SPATA2: variants seen among roughly 807,000 people sequenced by gnomAD.
SPATA2 encodes spermatogenesis associated 2.
SPATA2 carries 8 observed loss-of-function variants against 35.4 expected under a neutral mutation model. The ratio of observed to expected loss-of-function variants is 0.23; its 90% CI spans 0.13 to 0.41. SPATA2 has a LOEUF of 0.41. SPATA2 is among the 10% of genes least tolerant of loss of function. The pLI, the probability that SPATA2 is intolerant of heterozygous loss-of-function variation, is 1.00. For missense variants in SPATA2, 650 were observed against 698.7 expected, an observed-to-expected ratio of 0.93 and a Z score of 0.79; for synonymous variants, 293 against 300.9, an observed-to-expected ratio of 0.97 and a Z score of 0.27.
chr20:49,905,529 C>A lies in SPATA2; in HGVS notation c.*90G>T. ...CTACATGGTCAAGTGCAGGCCTCCG[C>A]CTCTGAGATCAATGCGTTAGTACTT... is the stretch of plus-strand genomic sequence containing the variant. On this transcript the variant is annotated 3_prime_UTR_variant, in exon 3 of 3. Transcript: ENST00000289431. The A allele has an allele frequency of 6.9e-7, 1 of 1,458,526 alleles. No homozygotes were observed. Among genetic ancestry groups the A allele is most frequent in the Non-Finnish European group, 9.4e-7 (1 of 1,066,418 alleles). 90.3% of individuals were successfully genotyped at this position (1,458,526 alleles called of 1,614,324 possible).
In SPATA2 at chr20:49,906,265, TG is replaced by T; in HGVS notation, c.916del (p.His306ThrfsTer202). 1 of 1,570,388 alleles carries T rather than the reference TG, an allele frequency of 6.4e-7. No individual in the cohort carries two copies. Among genetic ancestry groups the T allele is most frequent in the Non-Finnish European group, 8.6e-7 (1 of 1,156,554 alleles). ...GGGTGGAAGCACATCCGGGCTGCCG[TG>T]GGGGGAGCTGGCCATGGTCAGCAGC... is the stretch of plus-strand genomic sequence containing the variant. Reference protein sequence around the residue: ...PSLLTMASSPHGSPDVLPPAS... With the variant: ...PSLLTMASSPXGSPDVLPPAS... On this transcript the variant is annotated frameshift_variant, in exon 3 of 3. Transcript: ENST00000289431. LOFTEE classifies it high-confidence loss of function. The surrounding 1 kb of genome is among the most constrained non-coding windows in gnomAD (Gnocchi z 8.2).
In SPATA2 at chr20:49,906,977, G is replaced by A. The variant is rs113059128; in HGVS notation, c.337-132C>T. On this transcript the variant is annotated intron_variant, in intron 2 of 2. Transcript: ENST00000289431. The surrounding 1 kb of genome is among the most constrained non-coding windows in gnomAD (Gnocchi z 8.2). ...AGAGGGCAGGGCAGGGAAGGATCTC[G>A]ACAGCCTCACCCTGCGGGAGGCAGA... The A allele has an allele frequency of 2.5e-3, 2,438 of 981,936 alleles. 19 individuals are homozygous for A. The highest frequency in any genetic ancestry group is 0.022 in the African/African-American group (1,313 of 60,704). The allele number at this position is 981,936 out of a possible 1,614,324, so 60.8% of individuals were successfully genotyped here.
Position 49,915,495 on chromosome 20 carries a change from G to A in SPATA2, c.-218C>T, listed in dbSNP as rs1324187639. On this transcript the variant is annotated 5_prime_UTR_variant, in exon 1 of 3. Transcript: ENST00000289431. Reference sequence around the variant, plus strand: ...CTCCGGCCGGCTGCAGGGGTACTGAGACCAGTACCCGGGGGCCAGCAGCGA... The same window carrying A: ...CTCCGGCCGGCTGCAGGGGTACTGAAACCAGTACCCGGGGGCCAGCAGCGA... The A allele has an allele frequency of 3.9e-5, 6 of 152,282 alleles. No individual in the cohort carries two copies. The highest frequency in any genetic ancestry group is 1.3e-4 in the Admixed American group (2 of 15,290). The allele number at this position is 152,282 out of a possible 1,614,324, so 9.4% of individuals were successfully genotyped here.
intron 1 of SPATA2, among the ~76,000 whole-genome samples, chr20:49,909,826 CAA>C (rs2090172827): frequency 6.6e-6 from 1 of 152,202 alleles, no homozygotes; most frequent in Admixed American, 6.5e-5. Context: ...ATATTTTATA[CAA>C]AGAGCCACGT....
In SPATA2 at chr20:49,904,916, G is replaced by A. The variant is rs551546251; in HGVS notation, c.*703C>T. 6.5e-6 allele frequency: 1 copy of A among 152,864 alleles called. No individual in the cohort carries two copies. The highest frequency in any genetic ancestry group is 1.5e-5 in the Non-Finnish European group (1 of 68,112). 9.5% of individuals were successfully genotyped at this position (152,864 alleles called of 1,614,324 possible). ...GGCATGTGCAAACAACAGAAAGGGG[G>A]AAGTCAGTCCTGCTGTGGGAAGCCC... On this transcript the variant is annotated 3_prime_UTR_variant, in exon 3 of 3. Transcript: ENST00000289431.
Position 49,906,060 on chromosome 20 carries a change from A to AG in SPATA2, c.1121dup (p.Ala375CysfsTer25). 1 of 1,606,666 alleles carries AG rather than the reference A, an allele frequency of 6.2e-7. No individual in the cohort carries two copies. Among genetic ancestry groups the AG allele is most frequent in the South Asian group, 1.1e-5 (1 of 91,026 alleles). On this transcript the variant is annotated frameshift_variant, in exon 3 of 3. Coordinates refer to ENST00000289431, the MANE Select transcript of SPATA2 (RefSeq NM_006038.4). LOFTEE classifies it high-confidence loss of function. The surrounding 1 kb of genome is among the most constrained non-coding windows in gnomAD (Gnocchi z 8.2). ...ACTTGGAGAGGGCGGACTCTTTGGC[A>AG]GGGGGCGAGCGCTTGTGGTAGAGGG...
Position 49,905,519 on chromosome 20 carries a change from C to T in SPATA2, c.*100G>A. ...TCTCTGCCACCTACATGGTCAAGTGCAGGCCTCCGCCTCTGAGATCAATGC... is the reference window on the plus strand; with the variant it reads ...TCTCTGCCACCTACATGGTCAAGTGTAGGCCTCCGCCTCTGAGATCAATGC... On this transcript the variant is annotated 3_prime_UTR_variant, in exon 3 of 3. Transcript: ENST00000289431. The T allele has an allele frequency of 2.2e-6, 3 of 1,375,932 alleles. No individual in the cohort carries two copies. Among genetic ancestry groups the T allele is most frequent in the Non-Finnish European group, 3.0e-6 (3 of 999,164 alleles). The allele number at this position is 1,375,932 out of a possible 1,614,324, so 85.2% of individuals were successfully genotyped here.
rs1568904600 is a variant in SPATA2, at chr20:49,903,953, T to TATATATATA, written c.*1665_*1666insTATATATAT. The TATATATATA allele has an allele frequency of 3.1e-5, 3 of 97,162 alleles. No homozygotes were observed. Among genetic ancestry groups the TATATATATA allele is most frequent in the South Asian group, 3.0e-4 (1 of 3,332 alleles). 6.0% of individuals were successfully genotyped at this position (97,162 alleles called of 1,614,324 possible). ...TATATATATATATATATATATATAT[T>TATATATATA]AAAAAGAGAGCCATAGAAGATTTGG... On this transcript the variant is annotated 3_prime_UTR_variant, in exon 3 of 3. Transcript: ENST00000289431.
At position 49,906,872 on chromosome 20, in the gene SPATA2, G is replaced by C; in HGVS notation, c.337-27C>G. ...TAGAAGGGAGGGAGTAGAAAAGAAA[G>C]GTGGGGTTTTCTGTCAGAGACACAA... On this transcript the variant is annotated intron_variant, in intron 2 of 2. Coordinates refer to ENST00000289431, the MANE Select transcript of SPATA2 (RefSeq NM_006038.4). This position sits in a 1 kb window ranked among gnomAD's most constrained non-coding sequence, Gnocchi z 8.2. 1 of 1,579,684 alleles carries C rather than the reference G, an allele frequency of 6.3e-7. No homozygotes were observed. Among genetic ancestry groups the C allele is most frequent in the Non-Finnish European group, 8.6e-7 (1 of 1,161,860 alleles).
At position 49,905,760 on chromosome 20, in the gene SPATA2, C is replaced by T; in HGVS notation, c.1422G>A (p.Gln474=). ...NRPGATNTCT[Q]CSKVSCDACL... The stretch of plus-strand genomic sequence containing the variant: ...AGGCGTCACATGAGACTTTTGAACA[C>T]TGGGTGCAGGTGTTGGTGGCGCCTG... Residue 474 remains glutamine (Q), a synonymous_variant, in exon 3 of 3, where the codon CAG becomes CAA. Transcript: ENST00000289431. 1 of 1,614,248 alleles carries T rather than the reference C, an allele frequency of 6.2e-7. No individual in the cohort carries two copies. The highest frequency in any genetic ancestry group is 1.1e-5 in the South Asian group (1 of 91,088).
chr20:49,909,517 G>A, intron 1 of SPATA2, among the ~76,000 whole-genome samples: 1 of 149,178 alleles, frequency 6.7e-6, no homozygotes, highest in East Asian at 2.1e-4. Context: ...ACCAGCCTGG[G>A]AAACACGGTG....
intron 1 of SPATA2, among the ~76,000 whole-genome samples, chr20:49,910,177 C>G (rs992143905): frequency 6.6e-6 from 1 of 152,224 alleles, no homozygotes. Flanking sequence ...CGCAGGGTCA[C>G]GGACACGGGG....
At position 49,914,051 on chromosome 20, in the gene SPATA2, C is replaced by A. The variant is rs1225821978; in HGVS notation, c.-103+1329G>T. On this transcript the variant is annotated intron_variant, in intron 1 of 2. Transcript: ENST00000289431. ...GGTGGAAAAAAAAAAAAAAAAAAAC[C>A]CAAAAAACAAAAAAACAGCACTGTG... 4.9e-5 allele frequency among the ~76,000 whole-genome samples: 7 copies of A among 141,460 alleles called. No individual in the cohort carries two copies. In the South Asian group the frequency reaches 1.4e-3, roughly 27 times the overall value. The allele number at this position is 141,460 out of a possible 152,430, so 92.8% of individuals were successfully genotyped here. A position where few individuals can be genotyped will look rare whatever the true frequency, so the allele number is the denominator to read the frequency against.
chr20:49,905,749 AC>A lies in SPATA2; in HGVS notation c.1432del (p.Val478SerfsTer30). The A allele has an allele frequency of 6.2e-7, 1 of 1,614,178 alleles. No homozygotes were observed. Among genetic ancestry groups the A allele is most frequent in the Non-Finnish European group, 8.5e-7 (1 of 1,180,032 alleles). ...ATNTCTQCSK[V>X]SCDACLSAYH... ...AGCGCTGAGGCAGGCGTCACATGAG[AC>A]TTTTGAACACTGGGTGCAGGTGTTG... On this transcript the variant is annotated frameshift_variant, in exon 3 of 3. Coordinates refer to ENST00000289431, the MANE Select transcript of SPATA2 (RefSeq NM_006038.4). LOFTEE classifies it high-confidence loss of function.
In SPATA2 at chr20:49,908,202, T is replaced by C. The variant is rs773902758; in HGVS notation, c.289A>G (p.Ile97Val). 1 of 1,613,352 alleles carries C rather than the reference T, an allele frequency of 6.2e-7. No homozygotes were observed. Among genetic ancestry groups the C allele is most frequent in the African/African-American group, 1.3e-5 (1 of 74,922 alleles). Residue 97 changes from isoleucine to valine, a missense_variant, in exon 2 of 3, where the codon ATC (isoleucine) becomes GTC (valine). Physicochemically the swap from Ile to Val is conservative, Grantham distance 29. Transcript: ENST00000289431. ...TTCCACGGGTAGAGGAAGAGGTTGA[T>C]GCCCACCGTCTCCAGCATGCTGAAG... is the stretch of plus-strand genomic sequence containing the variant. ...GAFSMLETVG[I>V]NLFLYPWKKE... is the part of the protein sequence containing the mutation.
At position 49,905,667 on chromosome 20, in the gene SPATA2, G is replaced by C; in HGVS notation, c.1515C>G (p.Asn505Lys). Residue 505 changes from asparagine (N) to lysine (K), a missense_variant, in exon 3 of 3, where the codon AAC (asparagine) becomes AAG (lysine). Coordinates refer to ENST00000289431, the MANE Select transcript of SPATA2 (RefSeq NM_006038.4). ...KSELHKFMPNNQLNYKSTQLS... is the reference protein window; with the variant it reads ...KSELHKFMPNKQLNYKSTQLS... ...GCTGGGTGGACTTGTAGTTCAGCTG[G>C]TTGTTGGGCATGAACTTGTGCAGCT... The C allele has an allele frequency of 2.5e-6, 4 of 1,614,252 alleles. No individual in the cohort carries two copies. The highest frequency in any genetic ancestry group is 3.4e-6 in the Non-Finnish European group (4 of 1,180,040).
intron 1 of SPATA2, among the ~76,000 whole-genome samples, chr20:49,912,894 T>A (rs1490663722): frequency 7.4e-6 from 1 of 135,714 alleles, no homozygotes; most frequent in Non-Finnish European, 1.6e-5. Context: ...AAAAGATAAT[T>A]AAGGGCAAGA....
chr20:49,911,120 T>A (rs974238243), intron 1 of SPATA2, among the ~76,000 whole-genome samples: 1 of 152,166 alleles, frequency 6.6e-6, no homozygotes, highest in Admixed American at 6.5e-5. Flanking sequence ...AGGCCTCAGC[T>A]CAAACATCAG....
At position 49,903,947 on chromosome 20, in the gene SPATA2, A is replaced by ATATATATATG. The variant is rs2090124784; in HGVS notation, c.*1671_*1672insCATATATATA. 3.1e-5 allele frequency: 3 copies of ATATATATATG among 96,848 alleles called. No individual in the cohort carries two copies. The highest frequency in any genetic ancestry group is 6.5e-5 in the Non-Finnish European group (3 of 46,172). 6.0% of individuals were successfully genotyped at this position (96,848 alleles called of 1,614,324 possible). ...TATATATATATATATATATATATATATATATTAAAAAGAGAGCCATAGAAG... is the reference window on the plus strand; with the variant it reads ...TATATATATATATATATATATATATATATATATATGTATATTAAAAAGAGAGCCATAGAAG... On this transcript the variant is annotated 3_prime_UTR_variant, in exon 3 of 3. Transcript: ENST00000289431.
Sources: allele counts gnomAD v4.1 joint callset (sites outside exome capture counted in the v4.1 genomes callset), GRCh38; gene constraint gnomAD v4.1.1; non-coding constraint Gnocchi (gnomAD v3.1); transcripts MANE v1.5; gene names NCBI Gene and HGNC (gene_info 2026-07-23, HGNC 2026-07-21).